Variants in KIAA0232 observed in about 807,000 individuals in gnomAD.
The protein encoded by KIAA0232 is uncharacterized protein KIAA0232.
A neutral mutation model predicts 122.0 loss-of-function variants in KIAA0232; 27 were observed. That is an observed-to-expected ratio of 0.22 (90% CI 0.16 to 0.31). The LOEUF is 0.31. Among genes scored for constraint, KIAA0232 ranks in the 10% least tolerant of loss-of-function variants. The pLI, the probability that KIAA0232 is intolerant of heterozygous loss-of-function variation, is 1.00. For missense variants in KIAA0232, 1,551 were observed against 1,634.2 expected (o/e 0.95, Z 0.88); for synonymous variants, 613 against 587.6 (o/e 1.04, Z -0.63).
chr4:6,854,714 G>A (rs563022427), intron 4 of KIAA0232, among the ~76,000 whole-genome samples: 2 of 152,206 alleles, frequency 1.3e-5, no homozygotes, highest in East Asian at 3.9e-4. Flanking sequence ...TTTACAGTTA[G>A]GAAAAGCAAT....
At chr4:6,816,836 T>G (rs772279925) in intron 2 of KIAA0232, among the ~76,000 whole-genome samples, 3 of 152,200 alleles carry the variant, frequency 2.0e-5, no homozygotes, top group Non-Finnish European at 2.9e-5. Flanking sequence ...TTTGTATCTT[T>G]CAAGGAATTT....
intron 6 of KIAA0232, among the ~76,000 whole-genome samples, chr4:6,859,632 TAA>T (rs988456970): frequency 3.9e-4 from 59 of 152,212 alleles, no homozygotes; most frequent in Non-Finnish European, 1.3e-4. Context: ...CTAGAACACT[TAA>T]AATTACATAT....
rs1435320524 is a variant in KIAA0232, at chr4:6,876,731, G to T, written c.3982G>T (p.Glu1328Ter). Residue 1328 changes from glutamate to a stop codon, truncating the protein, a stop_gained, in exon 9 of 10, where the codon GAA becomes TAA. Coordinates refer to ENST00000307659, the MANE Select transcript of KIAA0232 (RefSeq NM_014743.3). LOFTEE classifies it low-confidence loss of function (END_TRUNC). ...AGATGCTAAAGAGACACCCAGTAAT[G>T]AAGAGCGCCTGTTAGATTTTAATAG... The part of the protein sequence containing the change: ...YPDAKETPSN[E>*]ERLLDFNRVS... 6.2e-7 allele frequency: 1 copy of T among 1,612,610 alleles called. No individual in the cohort carries two copies. The highest frequency in any genetic ancestry group is 1.3e-5 in the African/African-American group (1 of 74,982).
At chr4:6,867,886 C>T (rs1344882936) in intron 7 of KIAA0232, among the ~76,000 whole-genome samples, 1 of 152,204 alleles carries the variant, frequency 6.6e-6, no homozygotes, top group Non-Finnish European at 1.5e-5. Flanking sequence ...GCATTTTCCA[C>T]CACTCTGCAC....
intron 1 of KIAA0232, among the ~76,000 whole-genome samples, chr4:6,794,270 G>T (rs758926534): frequency 1.3e-5 from 2 of 152,200 alleles, no homozygotes; most frequent in Non-Finnish European, 2.9e-5. Flanking sequence ...GGACAGAAAG[G>T]CCTGAGTCTG....
At chr4:6,813,348 T>G (rs1407430528) in intron 2 of KIAA0232, among the ~76,000 whole-genome samples, 2 of 149,808 alleles carry the variant, frequency 1.3e-5, no homozygotes, top group East Asian at 3.9e-4. Flanking sequence ...AGTACTTAGA[T>G]CTGTTTTTTT....
intron 1 of KIAA0232, among the ~76,000 whole-genome samples, chr4:6,789,700 T>C (rs1279898719): frequency 2.6e-5 from 4 of 152,206 alleles, no homozygotes; most frequent in Admixed American, 2.6e-4. Context: ...AACCTGTCTG[T>C]AGATGAGCAG....
chr4:6,797,930 C>T (rs1433414420), intron 1 of KIAA0232, among the ~76,000 whole-genome samples: 4 of 151,684 alleles, frequency 2.6e-5, no homozygotes, highest in Middle Eastern at 3.4e-3. Flanking sequence ...CAGTGGCGGG[C>T]GCCTGTAGTC....
At chr4:6,859,413 C>T (rs1379921321) in intron 6 of KIAA0232, among the ~76,000 whole-genome samples, 2 of 152,160 alleles carry the variant, frequency 1.3e-5, no homozygotes, top group Admixed American at 1.3e-4. Context: ...CCATGTGTGA[C>T]TACTGAGCAC....
At chr4:6,867,878 A>AT (rs1288234920) in intron 7 of KIAA0232, among the ~76,000 whole-genome samples, 1 of 152,202 alleles carries the variant, frequency 6.6e-6, no homozygotes, top group Non-Finnish European at 1.5e-5. Flanking sequence ...CAGGCAAAGC[A>AT]TTTTCCACCA....
At chr4:6,810,688 G>A (rs1477281072) in intron 2 of KIAA0232, among the ~76,000 whole-genome samples, 1 of 152,080 alleles carries the variant, frequency 6.6e-6, no homozygotes, top group Non-Finnish European at 1.5e-5. Flanking sequence ...TATCTGATAG[G>A]GAACTGATAT....
chr4:6,878,814 C>T (rs1428846987), intron 9 of KIAA0232, among the ~76,000 whole-genome samples: 5 of 152,174 alleles, frequency 3.3e-5, no homozygotes, highest in Non-Finnish European at 5.9e-5. Flanking sequence ...AGTGTCCATT[C>T]AAGTCCTGTG....
intron 4 of KIAA0232, among the ~76,000 whole-genome samples, 159 bp downstream of exon 4, chr4:6,842,363 T>C (rs56042830): frequency 0.09 from 13,766 of 152,158 alleles, 800 homozygotes; most frequent in Non-Finnish European, 0.1. Flanking sequence ...ATGGTATTTT[T>C]CTATATTTTC....
chr4:6,842,603 T>A (rs1296096183), intron 4 of KIAA0232, among the ~76,000 whole-genome samples: 3 of 151,240 alleles, frequency 2.0e-5, no homozygotes, highest in African/African-American at 4.9e-5. Context: ...TTTTTTTTTT[T>A]AAGACAGTGT....
At chr4:6,833,289 C>T (rs1719091070) in intron 3 of KIAA0232, among the ~76,000 whole-genome samples, 1 of 152,236 alleles carries the variant, frequency 6.6e-6, no homozygotes, top group Admixed American at 6.5e-5. Flanking sequence ...TTAAACAACA[C>T]TTCCTATTTT....
intron 1 of KIAA0232, among the ~76,000 whole-genome samples, chr4:6,792,681 GTT>G (rs58976586): frequency 2.7e-3 from 339 of 124,536 alleles, no homozygotes; most frequent in South Asian, 0.013. Context: ...ATAGTCTTAG[GTT>G]TTTTTTTTTT....
At chr4:6,786,316 T>A (rs1206867124) in intron 1 of KIAA0232, among the ~76,000 whole-genome samples, 1 of 152,188 alleles carries the variant, frequency 6.6e-6, no homozygotes, top group Non-Finnish European at 1.5e-5. Flanking sequence ...GTTTGTTTGT[T>A]TTTGAGACAG....
Position 6,871,671 on chromosome 4 carries a change from C to CA in KIAA0232, c.3900dup (p.Glu1301ArgfsTer3). ...TTGTACTCTCCTCTTTTTCCTGCAT[C>CA]AGAGTGTGAAGGTAAGGAGACCTTT... On this transcript the variant is annotated frameshift_variant, in exon 8 of 10. Coordinates refer to ENST00000307659, the MANE Select transcript of KIAA0232 (RefSeq NM_014743.3). LOFTEE classifies it high-confidence loss of function. 1 of 1,599,914 alleles carries CA rather than the reference C, an allele frequency of 6.3e-7. No homozygotes were observed. The highest frequency in any genetic ancestry group is 8.6e-7 in the Non-Finnish European group (1 of 1,167,748).
chr4:6,832,092 A>G (rs1719015809), intron 3 of KIAA0232, among the ~76,000 whole-genome samples: 1 of 152,186 alleles, frequency 6.6e-6, no homozygotes, highest in South Asian at 2.1e-4. Flanking sequence ...AATCTAGGCA[A>G]GAGAGTTGTG....
Sources: allele counts gnomAD v4.1 joint callset (sites outside exome capture counted in the v4.1 genomes callset), GRCh38; gene constraint gnomAD v4.1.1; transcripts MANE v1.5; gene names NCBI Gene and HGNC (gene_info 2026-07-23, HGNC 2026-07-21).